Variants in GFRA1 observed in about 807,000 individuals in gnomAD.
GFRA1 encodes GDNF family receptor alpha-1.
In GFRA1, 16 loss-of-function variants were observed where a neutral mutation model predicts 51.6. The observed-to-expected ratio is 0.31, with a 90% CI of 0.21 to 0.47. The LOEUF (loss-of-function observed/expected upper bound fraction) is 0.47. Among genes scored for constraint, GFRA1 ranks in the 20% least tolerant of loss-of-function variants. The pLI, the probability that GFRA1 is intolerant of heterozygous loss-of-function variation, is 1.00. For synonymous variants in GFRA1, 270 were observed against 241.3 expected (o/e 1.12, Z -1.10); for missense variants, 530 against 594.3 (o/e 0.89, Z 1.13).
intron 6 of GFRA1, among the ~76,000 whole-genome samples, chr10:116,099,513 A>G (rs1956734169): frequency 6.6e-6 from 1 of 152,188 alleles, no homozygotes; most frequent in Non-Finnish European, 1.5e-5. Context: ...TCTGGTCTTC[A>G]GTACTTTCCA....
chr10:116,185,368 C>T (rs577026197), intron 5 of GFRA1, among the ~76,000 whole-genome samples: 5 of 152,170 alleles, frequency 3.3e-5, no homozygotes, highest in Admixed American at 6.5e-5. Context: ...ACAGTGCCAC[C>T]CACATTAATT....
intron 5 of GFRA1, among the ~76,000 whole-genome samples, chr10:116,133,460 T>G (rs1958190116): frequency 6.6e-6 from 1 of 152,052 alleles, no homozygotes; most frequent in Non-Finnish European, 1.5e-5. Flanking sequence ...GAGCCATGGA[T>G]TAGGAGTGAG....
chr10:116,076,664 C>T, intron 9 of GFRA1, among the ~76,000 whole-genome samples: 1 of 152,174 alleles, frequency 6.6e-6, no homozygotes, highest in Non-Finnish European at 1.5e-5. Flanking sequence ...ATGGGACTTC[C>T]TTTGACCTTT....
chr10:116,085,312 T>G (rs565953549), intron 9 of GFRA1, among the ~76,000 whole-genome samples: 1 of 152,266 alleles, frequency 6.6e-6, no homozygotes, highest in South Asian at 2.1e-4. Context: ...GAAACTCAAG[T>G]CCCCAAGAGT....
chr10:116,167,398 C>T (rs968622738), intron 5 of GFRA1, among the ~76,000 whole-genome samples: 1 of 152,122 alleles, frequency 6.6e-6, no homozygotes, highest in Non-Finnish European at 1.5e-5. Context: ...AAGCCTCTTA[C>T]TTTCTCCTTG....
chr10:116,098,195 T>A (rs757127392), intron 6 of GFRA1, among the ~76,000 whole-genome samples: 23 of 152,150 alleles, frequency 1.5e-4, no homozygotes, highest in Non-Finnish European at 2.9e-4. Context: ...CTGACACTCC[T>A]CAGAGAGCTC....
chr10:116,069,447 C>T (rs189314204), intron 9 of GFRA1, among the ~76,000 whole-genome samples: 13 of 152,240 alleles, frequency 8.5e-5, no homozygotes, highest in Admixed American at 7.8e-4. Context: ...CCAAACCAAA[C>T]GCCTTCCCTA....
Position 116,062,023 on chromosome 10 carries a change from G to T in GFRA1, c.*2375C>A. 1 of 398,596 alleles carries T rather than the reference G, an allele frequency of 2.5e-6. No homozygotes were observed. The highest frequency in any genetic ancestry group is 4.4e-6 in the Non-Finnish European group (1 of 226,044). 24.7% of individuals were successfully genotyped at this position (398,596 alleles called of 1,614,324 possible). A position where few individuals can be genotyped will look rare whatever the true frequency, so the allele number is the denominator to read the frequency against. ...TATGCTTTTATCACTGAAGAAAAAT[G>T]AGATATTTGTTGGTGACAGATGAGG... is the stretch of plus-strand genomic sequence containing the variant. On this transcript the variant is annotated 3_prime_UTR_variant, in exon 11 of 11. Coordinates refer to ENST00000355422, the MANE Select transcript of GFRA1 (RefSeq NM_005264.8).
intron 5 of GFRA1, among the ~76,000 whole-genome samples, chr10:116,140,084 T>C (rs138499497): frequency 3.1e-4 from 47 of 152,266 alleles, no homozygotes; most frequent in African/African-American, 1.0e-3. Context: ...CATTAGCTAA[T>C]GAACTGACCC....
chr10:116,098,774 C>T (rs973940891), intron 6 of GFRA1, among the ~76,000 whole-genome samples: 2 of 152,212 alleles, frequency 1.3e-5, no homozygotes, highest in East Asian at 1.9e-4. Context: ...GAGACTAATG[C>T]CACCAGACTC....
intron 5 of GFRA1, among the ~76,000 whole-genome samples, chr10:116,175,725 C>T (rs4237497): frequency 0.99 from 150,668 of 152,316 alleles, 74,535 homozygotes; most frequent in South Asian, 1. Context: ...AGTTACAAAA[C>T]GTAAACGTCA....
chr10:116,163,721 C>T (rs1450560222), intron 5 of GFRA1, among the ~76,000 whole-genome samples: 1 of 152,144 alleles, frequency 6.6e-6, no homozygotes, highest in Non-Finnish European at 1.5e-5. Context: ...GAATGGAATG[C>T]ACACGGTAAG....
rs986278604 is a variant in GFRA1, at chr10:116,062,774, C to T, written c.*1624G>A. On this transcript the variant is annotated 3_prime_UTR_variant, in exon 11 of 11. Transcript: ENST00000355422. ...TAGATTCGGAATCTCGCCATCTAAA[C>T]CAGACTTCAAAAGTGCACTTTCGGG... is the stretch of plus-strand genomic sequence containing the variant. 6.6e-6 allele frequency: 1 copy of T among 152,162 alleles called. No homozygotes were observed. Among genetic ancestry groups the T allele is most frequent in the Non-Finnish European group, 1.5e-5 (1 of 68,036 alleles). 9.4% of individuals were successfully genotyped at this position (152,162 alleles called of 1,614,324 possible).
intron 6 of GFRA1, among the ~76,000 whole-genome samples, chr10:116,115,059 TC>T (rs1286570857): frequency 6.6e-6 from 1 of 152,214 alleles, no homozygotes; most frequent in East Asian, 1.9e-4. Flanking sequence ...ATCCCAAGAC[TC>T]CAGCATGGTA....
Position 116,061,549 on chromosome 10 carries a change from C to T in GFRA1, c.*2849G>A, listed in dbSNP as rs1954818484. 1 of 155,454 alleles carries T rather than the reference C, an allele frequency of 6.4e-6. No homozygotes were observed. Among genetic ancestry groups the T allele is most frequent in the African/African-American group, 2.4e-5 (1 of 41,602 alleles). The allele number at this position is 155,454 out of a possible 1,614,324, so 9.6% of individuals were successfully genotyped here. A position where few individuals can be genotyped will look rare whatever the true frequency, so the allele number is the denominator to read the frequency against. On this transcript the variant is annotated 3_prime_UTR_variant, in exon 11 of 11. Transcript: ENST00000355422. ...TGTGGCAATACTGCCTTTATTCCCC[C>T]TCTCTTTCTCTCTGAAATAAGTAGG... is the stretch of plus-strand genomic sequence containing the variant.
At chr10:116,206,623 T>C (rs1311534504) in intron 5 of GFRA1, among the ~76,000 whole-genome samples, 2 of 1,050 alleles carry the variant, frequency 1.9e-3, no homozygotes, top group Admixed American at 9.6e-3. Flanking sequence ...CCACATTCTC[T>C]TTTTTTTTTT....
chr10:116,238,072 A>C (rs924693360), intron 4 of GFRA1, among the ~76,000 whole-genome samples: 4 of 152,166 alleles, frequency 2.6e-5, no homozygotes, highest in African/African-American at 9.7e-5. Flanking sequence ...TGACACACGG[A>C]GCCTCGTTTT....
intron 4 of GFRA1, among the ~76,000 whole-genome samples, chr10:116,253,050 T>A (rs369825929): frequency 1.3e-5 from 2 of 152,212 alleles, no homozygotes; most frequent in Non-Finnish European, 2.9e-5. Flanking sequence ...CAATACAGAC[T>A]ATGTTTGAGT....
At chr10:116,259,092 T>C (rs1016995307) in intron 4 of GFRA1, among the ~76,000 whole-genome samples, 2 of 152,212 alleles carry the variant, frequency 1.3e-5, no homozygotes, top group Admixed American at 6.5e-5. Context: ...TTCATAAACA[T>C]GCGCTTTAAG....
Sources: gnomAD v4.1 joint callset for allele counts (sites outside exome capture counted in the v4.1 genomes callset) on GRCh38, gnomAD v4.1.1 for gene constraint, MANE v1.5 for transcripts, NCBI Gene and HGNC (gene_info 2026-07-23, HGNC 2026-07-21) for gene names.